MEAK7: variants seen among roughly 807,000 people sequenced by gnomAD.
MEAK7 encodes the protein MTOR-associated protein MEAK7.
A neutral mutation model predicts 40.5 loss-of-function variants in MEAK7; 68 were observed. The ratio of observed to expected loss-of-function variants is 1.68; its 90% CI spans 1.38 to 2.06. MEAK7 has a LOEUF of 2.06. MEAK7 is among the 30% of genes most tolerant of loss of function. The pLI, the probability that MEAK7 is intolerant of heterozygous loss-of-function variation, is 0.00. For missense variants in MEAK7, 918 were observed against 580.5 expected (o/e 1.58, Z -5.98); for synonymous variants, 338 against 231.9 (o/e 1.46, Z -4.16).
At chr16:84,490,319 A>G (rs1913460349) in intron 3 of MEAK7, among the ~76,000 whole-genome samples, 1 of 151,734 alleles carries the variant, frequency 6.6e-6, no homozygotes, top group African/African-American at 2.4e-5. Flanking sequence ...GGCCACCAAA[A>G]GGAAAAAAAC....
At chr16:84,485,582 C>T (rs1323360531) in intron 5 of MEAK7, among the ~76,000 whole-genome samples, 2 of 152,242 alleles carry the variant, frequency 1.3e-5, no homozygotes, top group East Asian at 1.9e-4. Context: ...CTCTCAAGTA[C>T]AGAGGACAGC....
At chr16:84,495,422 G>C (rs1355915904) in intron 3 of MEAK7, among the ~76,000 whole-genome samples, 1 of 152,066 alleles carries the variant, frequency 6.6e-6, no homozygotes, top group African/African-American at 2.4e-5. Context: ...TTCAGTAATG[G>C]GACCAGACCC....
Position 84,479,999 on chromosome 16 carries a change from C to T in MEAK7, c.1285G>A (p.Ala429Thr), listed in dbSNP as rs757813746. The T allele has an allele frequency of 1.9e-6, 3 of 1,607,726 alleles. No homozygotes were observed. Among genetic ancestry groups the T allele is most frequent in the South Asian group, 1.1e-5 (1 of 90,498 alleles). The change falls in exon 8 of 8, where the codon GCG becomes ACG. Residue 429 changes from alanine to threonine, a missense_variant. Transcript: ENST00000343629. ...AGCAGGGCCTGGGCCTCAGGGTCCG[C>T]ATCCAGGATGCTCTTGTTGCCCTTG... The part of the protein sequence containing the change: ...LAKGNKSILD[A>T]DPEAQALLEI...
intron 7 of MEAK7, 100 bp from the exon 8 acceptor site, chr16:84,480,126 C>T (rs1013422582): frequency 3.0e-5 from 29 of 970,926 alleles, no homozygotes; most frequent in African/African-American, 6.6e-5. Context: ...AATCAGGCTC[C>T]GGTTCCCCCT....
intron 6 of MEAK7, among the ~76,000 whole-genome samples, chr16:84,481,590 G>A (rs755083719): frequency 6.6e-6 from 1 of 152,192 alleles, no homozygotes; most frequent in Non-Finnish European, 1.5e-5. Flanking sequence ...TATCGGACCA[G>A]CCTTCTCTGC....
In MEAK7 at chr16:84,478,029, C is replaced by A. The variant is rs1426597887; in HGVS notation, c.*1884G>T. ...GCAGCAATCAATGGTCACCAAGGCA[C>A]AGACACTGACGGACATTTAATTTTT... On this transcript the variant is annotated 3_prime_UTR_variant, in exon 8 of 8. Coordinates refer to ENST00000343629, the MANE Select transcript of MEAK7 (RefSeq NM_020947.4). 6.9e-6 allele frequency: 1 copy of A among 145,284 alleles called. No individual in the cohort carries two copies. Among genetic ancestry groups the A allele is most frequent in the Non-Finnish European group, 1.5e-5 (1 of 65,762 alleles). 9.0% of individuals were successfully genotyped at this position (145,284 alleles called of 1,614,324 possible). A position where few individuals can be genotyped will look rare whatever the true frequency, so the allele number is the denominator to read the frequency against.
rs144096408 is a variant in MEAK7, at chr16:84,485,587, G to A, written c.958+1044C>T. Among the ~76,000 whole-genome samples the A allele has an allele frequency of 2.3e-3, 351 of 152,300 alleles. 6 individuals carry two copies. The highest frequency in any genetic ancestry group is 7.7e-3 in the African/African-American group (322 of 41,556). On this transcript the variant is annotated intron_variant, in intron 5 of 7. Coordinates refer to ENST00000343629, the MANE Select transcript of MEAK7 (RefSeq NM_020947.4). ...TGGTGGCCCACTCTCAAGTACAGAG[G>A]ACAGCCCACTGATGGGCGACGCATC...
intron 6 of MEAK7, among the ~76,000 whole-genome samples, chr16:84,482,297 G>A (rs779685279): frequency 3.9e-5 from 6 of 152,204 alleles, no homozygotes; most frequent in Non-Finnish European, 8.8e-5. Context: ...ACCATCCCTA[G>A]CCACAAAGGC....
intron 3 of MEAK7, among the ~76,000 whole-genome samples, chr16:84,490,994 T>A (rs1019858729): frequency 2.6e-5 from 4 of 152,230 alleles, no homozygotes; most frequent in African/African-American, 9.6e-5. Flanking sequence ...TTCTACTGTG[T>A]TACCTGATTT....
rs767019852 is a variant in MEAK7 at position 84,487,038 on chromosome 16, G to T, written c.551C>A (p.Pro184His). 6.2e-7 allele frequency: 1 copy of T among 1,612,494 alleles called. No individual in the cohort carries two copies. The highest frequency in any genetic ancestry group is 8.5e-7 in the Non-Finnish European group (1 of 1,179,274). Residue 184 changes from proline to histidine, a missense_variant, in exon 5 of 8, where the codon CCC becomes CAC. By Grantham distance (77) the Pro-to-His change is moderately conservative. Transcript: ENST00000343629. ...GTCACAGTCATAGTCCAGCCACTGG[G>T]GCCCCAGAAGTCTCTTGCCATCTAG... ...KLQDGKRLLGPQWLDYDCDRA... is the reference protein window; with the variant it reads ...KLQDGKRLLGHQWLDYDCDRA...
rs1404896855 is a variant in MEAK7, at chr16:84,486,704, G to T, written c.885C>A (p.Val295=). 6.2e-7 allele frequency: 1 copy of T among 1,613,998 alleles called. No individual in the cohort carries two copies. Among genetic ancestry groups the T allele is most frequent in the Non-Finnish European group, 8.5e-7 (1 of 1,179,878 alleles). Residue 295 remains valine, a synonymous_variant, in exon 5 of 8, where the codon GTC becomes GTA. Coordinates refer to ENST00000343629, the MANE Select transcript of MEAK7 (RefSeq NM_020947.4). ...ACACATGCTTGTCATGGTCCTCGAG[G>T]ACAGCCACACAGGGTCCCCGGTGAG... ...HITHRGPCVA[V]LEDHDKHVFG...
chr16:84,488,679 C>CTGTT (rs1567494965), intron 4 of MEAK7, among the ~76,000 whole-genome samples: 1 of 152,158 alleles, frequency 6.6e-6, no homozygotes, highest in African/African-American at 2.4e-5. Context: ...AAATAACACA[C>CTGTT]TGTTACATAG....
At chr16:84,493,784 G>C (rs752998402) in intron 3 of MEAK7, among the ~76,000 whole-genome samples, 6 of 152,168 alleles carry the variant, frequency 3.9e-5, no homozygotes, top group African/African-American at 1.4e-4. Flanking sequence ...GCTTTGACTG[G>C]AACAGCATTT....
In MEAK7 at chr16:84,495,862, C is replaced by A. The variant is rs1914001007; in HGVS notation, c.205G>T (p.Gly69Cys). 6.2e-7 allele frequency: 1 copy of A among 1,613,944 alleles called. No individual in the cohort carries two copies. Among genetic ancestry groups the A allele is most frequent in the South Asian group, 1.1e-5 (1 of 91,082 alleles). The change falls in exon 3 of 8, where the codon GGC becomes TGC. Residue 69 changes from glycine (G) to cysteine (C), a missense_variant. By Grantham distance (159) the Gly-to-Cys change is radical. Transcript: ENST00000343629. ...CCTGTCAGGTCGACCCTCCGCATGC[C>A]ATCATACAGCCTGGTGACCATCTCT... is the stretch of plus-strand genomic sequence containing the variant. ...PPEMVTRLYD[G>C]MRRVDLTGKA...
chr16:84,480,396 G>C (rs769226337), intron 7 of MEAK7, 133 bp downstream of exon 7: 36 of 1,107,604 alleles, frequency 3.3e-5, no homozygotes, highest in African/African-American at 4.8e-5. Flanking sequence ...ATCCAAGCCA[G>C]CATCAGCTAC....
At position 84,495,799 on chromosome 16, in the gene MEAK7, G is replaced by C; in HGVS notation, c.268C>G (p.Gln90Glu). The C allele has an allele frequency of 6.2e-7, 1 of 1,614,058 alleles. No individual in the cohort carries two copies. Among genetic ancestry groups the C allele is most frequent in the African/African-American group, 1.3e-5 (1 of 74,974 alleles). The change falls in exon 3 of 8, where the codon CAG (glutamine) becomes GAG (glutamate). Residue 90 changes from glutamine (Q) to glutamate (E), a missense_variant. Gln to Glu is a conservative substitution (Grantham distance 29, BLOSUM62 2). Transcript: ENST00000343629. ...KGPSENVSQE[Q>E]FTASMSHLLK... ...AGGTGGGACATGGATGCTGTGAACT[G>C]CTCCTGGGACACGTTCTCACTGGGT...
intron 5 of MEAK7, chr16:84,486,231 C>T (rs906006512): frequency 5.3e-6 from 1 of 188,106 alleles, no homozygotes; most frequent in Non-Finnish European, 1.1e-5. Context: ...CAAGGTCATG[C>T]ACAAAGCTTC....
chr16:84,482,786 C>A, intron 5 of MEAK7, 76 bp from the exon 6 acceptor site: 1 of 1,582,662 alleles, frequency 6.3e-7, no homozygotes, highest in African/African-American at 1.3e-5. Flanking sequence ...TGCCGGTAAG[C>A]TGCAGCTCAG....
At position 84,504,522 on chromosome 16, in the gene MEAK7, C is replaced by A. The variant is rs999848662; in HGVS notation, c.-26+79G>T. ...GGCAGGGCCCAGGCCTACTCTGGAC[C>A]CGTCTGCTCCAGTCCCCCGACTCAG... On this transcript the variant is annotated intron_variant, in intron 1 of 7. Transcript: ENST00000343629. 24 of 899,414 alleles carry A rather than the reference C, an allele frequency of 2.7e-5. No individual in the cohort carries two copies. In the African/African-American group the frequency reaches 4.3e-4, roughly 16 times the overall value. The allele number at this position is 899,414 out of a possible 1,614,324, so 55.7% of individuals were successfully genotyped here.
Sources: allele counts gnomAD v4.1 joint callset (sites outside exome capture counted in the v4.1 genomes callset), GRCh38; gene constraint gnomAD v4.1.1; transcripts MANE v1.5; gene names NCBI Gene and HGNC (gene_info 2026-07-23, HGNC 2026-07-21).